The following DENND1A variants were observed in gnomAD, a reference collection of about 807,000 sequenced individuals.
DENND1A encodes DENN domain containing 1A, also known as DENN domain-containing protein 1A.
Under a neutral mutation model 113.7 loss-of-function variants are expected in DENND1A, and 51 were observed. The observed-to-expected ratio is 0.45, with a 90% confidence interval of 0.36 to 0.57. DENND1A has a LOEUF of 0.57. Ranked by LOEUF, DENND1A falls within the 20% of genes least tolerant of loss-of-function variation. The probability of loss-of-function intolerance (pLI) is 0.00; values close to 1 mark genes in which losing one functional copy is unlikely to be tolerated. For synonymous variants in DENND1A, 565 were observed against 570.8 expected (o/e 0.99, Z 0.14); for missense variants, 1,258 against 1,395.9 (o/e 0.90, Z 1.57).
intron 2 of DENND1A, among the ~76,000 whole-genome samples, chr9:123,845,142 C>A (rs1454902111): frequency 6.6e-6 from 1 of 151,992 alleles, no homozygotes; most frequent in Non-Finnish European, 1.5e-5. Flanking sequence ...ATCTCTTGAA[C>A]CCGGGAGGCA....
chr9:123,528,161 G>C (rs748130785), intron 13 of DENND1A, among the ~76,000 whole-genome samples: 1 of 152,172 alleles, frequency 6.6e-6, no homozygotes, highest in Non-Finnish European at 1.5e-5. Context: ...CTAAAGGCAG[G>C]AGTCATGAAC....
At chr9:123,435,125 G>A (rs2046421615) in intron 19 of DENND1A, among the ~76,000 whole-genome samples, 1 of 145,946 alleles carries the variant, frequency 6.9e-6, no homozygotes, top group African/African-American at 2.5e-5. Flanking sequence ...GGCCTGGGGT[G>A]TGCAGTATCC....
At chr9:123,773,540 T>C (rs1271549452) in intron 3 of DENND1A, among the ~76,000 whole-genome samples, 2 of 152,146 alleles carry the variant, frequency 1.3e-5, no homozygotes, top group Admixed American at 1.3e-4. Flanking sequence ...GAAGACCAAA[T>C]TCAATGAAGT....
chr9:123,563,121 G>A (rs966447358), intron 12 of DENND1A, among the ~76,000 whole-genome samples: 17 of 152,178 alleles, frequency 1.1e-4, no homozygotes, highest in Admixed American at 2.6e-4. Context: ...CTCTTCTGTA[G>A]AATGCCATTG....
chr9:123,493,366 T>C (rs2051559239), intron 13 of DENND1A, among the ~76,000 whole-genome samples: 1 of 152,190 alleles, frequency 6.6e-6, no homozygotes, highest in South Asian at 2.1e-4. Flanking sequence ...TTGCTTAGCA[T>C]CAAGTTCCTC....
At chr9:123,549,362 C>T (rs1351642212) in intron 13 of DENND1A, among the ~76,000 whole-genome samples, 1 of 152,080 alleles carries the variant, frequency 6.6e-6, no homozygotes, top group African/African-American at 2.4e-5. Flanking sequence ...TAGTCACATC[C>T]CTTATGTGTG....
At chr9:123,874,870 A>G (rs1847214101) in intron 2 of DENND1A, among the ~76,000 whole-genome samples, 1 of 152,238 alleles carries the variant, frequency 6.6e-6, no homozygotes, top group Non-Finnish European at 1.5e-5. Context: ...AAAGTATGGC[A>G]TGATTCAGTA....
At chr9:123,637,093 A>G (rs1326025796) in intron 9 of DENND1A, among the ~76,000 whole-genome samples, 1 of 152,246 alleles carries the variant, frequency 6.6e-6, no homozygotes, top group Non-Finnish European at 1.5e-5. Context: ...GCAGAGGAAG[A>G]CAATCAGATG....
chr9:123,467,687 G>A (rs1334731489), intron 13 of DENND1A, among the ~76,000 whole-genome samples: 1 of 152,100 alleles, frequency 6.6e-6, no homozygotes, highest in Non-Finnish European at 1.5e-5. Flanking sequence ...CCCCACACCA[G>A]TTCAAAGGTA....
intron 6 of DENND1A, 32 bp downstream of exon 6, chr9:123,676,688 G>C (rs769490820): frequency 1.3e-6 from 2 of 1,588,904 alleles, no homozygotes; most frequent in Non-Finnish European, 1.7e-6. Context: ...AAGCTTATTT[G>C]TTTAAAAGAA....
chr9:123,802,053 G>A (rs1834762461), intron 2 of DENND1A, among the ~76,000 whole-genome samples: 3 of 152,172 alleles, frequency 2.0e-5, no homozygotes, highest in Admixed American at 2.0e-4. Flanking sequence ...TAATGAGGTT[G>A]CCACAGGAAC....
intron 21 of DENND1A, among the ~76,000 whole-genome samples, chr9:123,395,822 C>T (rs183679969): frequency 3.9e-5 from 6 of 152,286 alleles, no homozygotes; most frequent in Admixed American, 3.3e-4. Flanking sequence ...GCCCCTACCC[C>T]GCCTCCCAGG....
intron 13 of DENND1A, among the ~76,000 whole-genome samples, chr9:123,508,161 C>T (rs533259769): frequency 5.1e-4 from 77 of 152,278 alleles, no homozygotes; most frequent in South Asian, 3.3e-3. Flanking sequence ...CAGTGTTATA[C>T]AAGACAAGGC....
In DENND1A at chr9:123,531,554, TACACACACA is replaced by T. The variant is rs1194389456; in HGVS notation, c.993+26007_993+26015del. ...ATCCTTCTCTTCCCCCCTCTCTCTC[TACACACACA>T]CACACACACACACACACACACACAC... is the stretch of plus-strand genomic sequence containing the variant. On this transcript the variant is annotated intron_variant, in intron 13 of 23. Transcript: ENST00000394215. Among the ~76,000 whole-genome samples, 349 of 103,192 alleles carry T rather than the reference TACACACACA, an allele frequency of 3.4e-3. 3 individuals are homozygous for T. Among genetic ancestry groups the T allele is most frequent in the African/African-American group, 0.012 (338 of 27,128 alleles). 67.7% of individuals were successfully genotyped at this position (103,192 alleles called of 152,430 possible).
rs142539666 is a variant in DENND1A, at chr9:123,561,662, T to C, written c.868-3967A>G. On this transcript the variant is annotated intron_variant, in intron 12 of 23. Coordinates refer to ENST00000394215, the MANE Select transcript of DENND1A (RefSeq NM_001352964.2). ...GGATTCATCAGGGGTAATTTGGGTG[T>C]GTTGTAAGTGCTGGTGAGGATGGCT... 3.9e-4 allele frequency among the ~76,000 whole-genome samples: 59 copies of C among 152,196 alleles called. 1 individual carries two copies. Among genetic ancestry groups the C allele is most frequent in the Middle Eastern group, 3.4e-3 (1 of 294 alleles).
chr9:123,846,482 T>C (rs1251859098), intron 2 of DENND1A, among the ~76,000 whole-genome samples: 2 of 152,140 alleles, frequency 1.3e-5, no homozygotes, highest in African/African-American at 4.8e-5. Flanking sequence ...ATAAACAACA[T>C]GCAGTATATA....
intron 2 of DENND1A, among the ~76,000 whole-genome samples, chr9:123,863,417 A>C (rs1590429826): frequency 6.6e-6 from 1 of 152,182 alleles, no homozygotes. Flanking sequence ...TTCAACTTAA[A>C]GGTATGTTTT....
chr9:123,660,627 A>G (rs2063187314), intron 8 of DENND1A, among the ~76,000 whole-genome samples: 1 of 152,234 alleles, frequency 6.6e-6, no homozygotes, highest in Non-Finnish European at 1.5e-5. Context: ...TTATTTATAG[A>G]AAATGTAAAT....
chr9:123,414,042 T>C, intron 19 of DENND1A: 1 of 992,546 alleles, frequency 1.0e-6, no homozygotes, highest in Non-Finnish European at 1.2e-6. Flanking sequence ...TTGTCACCTC[T>C]GGCTTGGGCT....
Sources: allele counts gnomAD v4.1 joint callset (sites outside exome capture counted in the v4.1 genomes callset), GRCh38; gene constraint gnomAD v4.1.1; transcripts MANE v1.5; gene names NCBI Gene and HGNC (gene_info 2026-07-23, HGNC 2026-07-21).